ANO10: variants seen among roughly 807,000 people sequenced by gnomAD.
ANO10 encodes the protein anoctamin 10.
In ANO10, 77 loss-of-function variants were observed where a neutral mutation model predicts 74.7. The observed-to-expected ratio is 1.03, with a 90% CI of 0.86 to 1.25. The LOEUF (loss-of-function observed/expected upper bound fraction) is 1.25. Among genes scored for constraint, ANO10 ranks in the 50% most tolerant of loss-of-function variants. ANO10 has a pLI of 0.00. For synonymous variants in ANO10, 279 were observed against 284.9 expected (o/e 0.98, Z 0.21); for missense variants, 721 against 778.1 (o/e 0.93, Z 0.87).
chr3:43,420,778 T>C (rs1172066391), intron 12 of ANO10, among the ~76,000 whole-genome samples: 2 of 152,242 alleles, frequency 1.3e-5, no homozygotes, highest in Non-Finnish European at 2.9e-5. Context: ...GGCTTTGACC[T>C]TAATGATGTT....
chr3:43,497,073 G>T (rs1389416789), intron 11 of ANO10, among the ~76,000 whole-genome samples: 4 of 152,168 alleles, frequency 2.6e-5, no homozygotes, highest in African/African-American at 9.7e-5. Flanking sequence ...TGGTAGATGG[G>T]ATGAAGAGTA....
rs1317877943 is a variant in ANO10, at chr3:43,460,196, C to A, written c.1798-27469G>T. Among the ~76,000 whole-genome samples the A allele has an allele frequency of 3.3e-5, 5 of 152,092 alleles. 1 individual carries two copies. In the South Asian group the frequency reaches 1.0e-3, roughly 32 times the overall value. ...TAAAACTGAGTGTAGAAAATTACAG[C>A]CTAGAACCCAGATGGAGGCAGGCTT... is the stretch of plus-strand genomic sequence containing the variant. On this transcript the variant is annotated intron_variant, in intron 11 of 12. Transcript: ENST00000292246.
At chr3:43,536,938 A>T (rs994489549) in intron 11 of ANO10, among the ~76,000 whole-genome samples, 3 of 150,902 alleles carry the variant, frequency 2.0e-5, no homozygotes, top group African/African-American at 7.3e-5. Flanking sequence ...AGTTTTAATA[A>T]ATGCACCCAG....
intron 11 of ANO10, among the ~76,000 whole-genome samples, chr3:43,494,859 A>G (rs1260146035): frequency 6.6e-6 from 1 of 152,208 alleles, no homozygotes; most frequent in Non-Finnish European, 1.5e-5. Flanking sequence ...TCATATACAA[A>G]TGTAACACAA....
intron 12 of ANO10, among the ~76,000 whole-genome samples, chr3:43,389,535 CAG>C (rs2092219340): frequency 6.6e-6 from 1 of 152,186 alleles, no homozygotes; most frequent in Non-Finnish European, 1.5e-5. Flanking sequence ...TAAGTCATTT[CAG>C]AGAAGTCAAA....
intron 1 of ANO10, among the ~76,000 whole-genome samples, chr3:43,649,178 G>A (rs916456963): frequency 6.6e-5 from 10 of 152,150 alleles, no homozygotes; most frequent in Non-Finnish European, 1.5e-4. Context: ...GCCCCACTGA[G>A]TCAGGAACCA....
At chr3:43,419,815 T>C (rs2092794008) in intron 12 of ANO10, among the ~76,000 whole-genome samples, 1 of 152,094 alleles carries the variant, frequency 6.6e-6, no homozygotes, top group Non-Finnish European at 1.5e-5. Context: ...TGCACCCAGC[T>C]GTTGCTGAAT....
At chr3:43,498,663 A>C (rs2076996150) in intron 11 of ANO10, among the ~76,000 whole-genome samples, 1 of 152,236 alleles carries the variant, frequency 6.6e-6, no homozygotes, top group Non-Finnish European at 1.5e-5. Context: ...TATGCAGCTT[A>C]CTATAGCTGA....
At chr3:43,526,521 T>C (rs1575343633) in intron 11 of ANO10, among the ~76,000 whole-genome samples, 2 of 152,166 alleles carry the variant, frequency 1.3e-5, no homozygotes, top group Admixed American at 1.3e-4. Context: ...ATTGAAAATA[T>C]ATCAAGAGAA....
chr3:43,528,504 T>G (rs1333359208), intron 11 of ANO10, among the ~76,000 whole-genome samples: 1 of 151,046 alleles, frequency 6.6e-6, no homozygotes, highest in Non-Finnish European at 1.5e-5. Context: ...CTAAATTCAG[T>G]AAAGAAAAGG....
intron 11 of ANO10, among the ~76,000 whole-genome samples, chr3:43,444,341 T>C (rs1275077211): frequency 6.6e-6 from 1 of 152,228 alleles, no homozygotes; most frequent in Non-Finnish European, 1.5e-5. Flanking sequence ...AAGCAGTTTC[T>C]AGAGCAGATC....
rs2091424811 is a variant in ANO10, at chr3:43,366,822, G to A, written c.*84C>T. The A allele has an allele frequency of 7.1e-7, 1 of 1,401,428 alleles. No homozygotes were observed. The highest frequency in any genetic ancestry group is 9.9e-7 in the Non-Finnish European group (1 of 1,012,832). 86.8% of individuals were successfully genotyped at this position (1,401,428 alleles called of 1,614,324 possible). On this transcript the variant is annotated 3_prime_UTR_variant, in exon 13 of 13. Coordinates refer to ENST00000292246, the MANE Select transcript of ANO10 (RefSeq NM_018075.5). ...GTCTGGGTTCAGGAGCCACGATGCT[G>A]CCCCGGGTACCCCCCCTGCCACCGT...
chr3:43,600,137 C>CA (rs1427157181), intron 3 of ANO10, among the ~76,000 whole-genome samples: 2 of 152,202 alleles, frequency 1.3e-5, no homozygotes, highest in Non-Finnish European at 2.9e-5. Context: ...CAGCCTGCCA[C>CA]ATGGTTTTAT....
chr3:43,545,943 C>T (rs1221397676), intron 11 of ANO10, among the ~76,000 whole-genome samples: 1 of 152,100 alleles, frequency 6.6e-6, no homozygotes, highest in Non-Finnish European at 1.5e-5. Flanking sequence ...AAATGTTACA[C>T]TTTTTGGATT....
At chr3:43,607,204 A>G (rs2127725) in intron 1 of ANO10, among the ~76,000 whole-genome samples, 87,052 of 151,778 alleles carry the variant, frequency 0.57, 26,171 homozygotes, top group East Asian at 0.89. Context: ...ATTTGTGAAT[A>G]ACAAAAAGCC....
intron 4 of ANO10, among the ~76,000 whole-genome samples, chr3:43,582,918 T>C (rs1215123141): frequency 6.6e-6 from 1 of 152,244 alleles, no homozygotes; most frequent in Non-Finnish European, 1.5e-5. Context: ...TCTTATTCCT[T>C]ATTTGGGGAT....
chr3:43,398,199 A>G (rs2092416910), intron 12 of ANO10, among the ~76,000 whole-genome samples: 1 of 152,244 alleles, frequency 6.6e-6, no homozygotes, highest in African/African-American at 2.4e-5. Flanking sequence ...ACAAATATTG[A>G]TATGGCAACT....
chr3:43,664,900 A>G lies in ANO10; in HGVS notation c.-12+26617T>C, dbSNP rs547550566. Among the ~76,000 whole-genome samples the G allele has an allele frequency of 4.6e-5, 7 of 151,552 alleles. No homozygotes were observed. The East Asian group carries it at 9.7e-4, about 21-fold the overall frequency. On this transcript the variant is annotated intron_variant, in intron 1 of 3. Transcript: ENST00000413397. ...ACAACAGATGCTGGAGAGGTTGTGGAAAAATAGGAATGCTTTTACACTGTT... is the reference window on the plus strand; with the variant it reads ...ACAACAGATGCTGGAGAGGTTGTGGGAAAATAGGAATGCTTTTACACTGTT...
intron 1 of ANO10, among the ~76,000 whole-genome samples, chr3:43,611,844 T>C (rs1404641592): frequency 1.3e-5 from 2 of 152,084 alleles, no homozygotes; most frequent in Non-Finnish European, 2.9e-5. Flanking sequence ...GTAAAATAAG[T>C]AGCCATAGGG....
Sources: gnomAD v4.1 joint callset for allele counts (sites outside exome capture counted in the v4.1 genomes callset) on GRCh38, gnomAD v4.1.1 for gene constraint, MANE v1.5 for transcripts, NCBI Gene and HGNC (gene_info 2026-07-23, HGNC 2026-07-21) for gene names.